THEMIS: variants seen among roughly 807,000 people sequenced by gnomAD.
THEMIS encodes the protein protein THEMIS.
Under a neutral mutation model 52.6 loss-of-function variants are expected in THEMIS, and 37 were observed. The observed-to-expected ratio is 0.70, with a 90% CI of 0.54 to 0.93. The LOEUF is 0.93. Ranked by LOEUF, THEMIS falls within the 40% of genes least tolerant of loss-of-function variation. THEMIS has a pLI of 0.00. For missense variants in THEMIS, 808 were observed against 763.1 expected, an observed-to-expected ratio of 1.06 and a Z score of -0.69; for synonymous variants, 292 against 272.7, an observed-to-expected ratio of 1.07 and a Z score of -0.70.
At chr6:127,703,869 A>G (rs900464059), downstream of THEMIS, among the ~76,000 whole-genome samples, 14 of 152,158 alleles carry the variant, frequency 9.2e-5, no homozygotes, top group Admixed American at 3.9e-4. Flanking sequence ...AAGAACAGAA[A>G]TTTATTGCTC....
intron 1 of THEMIS, among the ~76,000 whole-genome samples, chr6:127,895,105 T>C (rs61526478): frequency 6.6e-6 from 1 of 151,130 alleles, no homozygotes; most frequent in African/African-American, 2.4e-5. Flanking sequence ...GTAAATCACA[T>C]TATTATCTTA....
chr6:127,795,081 G>T (rs765773485), intron 4 of THEMIS, among the ~76,000 whole-genome samples: 1 of 152,142 alleles, frequency 6.6e-6, no homozygotes, highest in Non-Finnish European at 1.5e-5. Flanking sequence ...ACCATAGACA[G>T]TTCCATAGCA....
At chr6:127,848,466 T>C (rs2114257581) in intron 2 of THEMIS, among the ~76,000 whole-genome samples, 1 of 151,924 alleles carries the variant, frequency 6.6e-6, no homozygotes, top group African/African-American at 2.4e-5. Flanking sequence ...GGTCAAATGG[T>C]ATTTCTAGTT....
At chr6:127,885,312 A>T (rs1264436629) in intron 1 of THEMIS, among the ~76,000 whole-genome samples, 1 of 152,110 alleles carries the variant, frequency 6.6e-6, no homozygotes, top group African/African-American at 2.4e-5. Context: ...TTTCTTAGTT[A>T]CCAGGTTATC....
At chr6:127,771,042 T>C (rs1428923705) in intron 4 of THEMIS, among the ~76,000 whole-genome samples, 1 of 152,086 alleles carries the variant, frequency 6.6e-6, no homozygotes, top group East Asian at 1.9e-4. Context: ...CAGCCCAAAA[T>C]CTCCTTATGC....
At chr6:127,822,043 G>A (rs138367102) in intron 3 of THEMIS, among the ~76,000 whole-genome samples, 3,254 of 151,858 alleles carry the variant, frequency 0.021, 90 homozygotes, top group Non-Finnish European at 0.029. Context: ...CTCTATATTT[G>A]TTAGACATTT....
At chr6:127,738,745 G>A (rs571047888) in intron 4 of THEMIS, among the ~76,000 whole-genome samples, 29 of 152,196 alleles carry the variant, frequency 1.9e-4, no homozygotes, top group African/African-American at 6.7e-4. Context: ...GACATAAGTG[G>A]TGAATTAATC....
chr6:127,752,538 T>C (rs1282146663), intron 4 of THEMIS, among the ~76,000 whole-genome samples: 1 of 151,484 alleles, frequency 6.6e-6, no homozygotes, highest in Non-Finnish European at 1.5e-5. Context: ...AACATATTGG[T>C]AAACCAAGAA....
chr6:127,904,045 T>G (rs903439513), upstream of THEMIS, among the ~76,000 whole-genome samples: 15 of 152,050 alleles, frequency 9.9e-5, no homozygotes, highest in African/African-American at 2.7e-4. Flanking sequence ...GGTTAGTAAC[T>G]GGCACCAAGA....
chr6:127,701,363 G>T, the THEMIS span, among the ~76,000 whole-genome samples: 1 of 151,970 alleles, frequency 6.6e-6, no homozygotes, highest in Non-Finnish European at 1.5e-5. Flanking sequence ...TTGCATTTTT[G>T]TGTAGTTTAT....
intron 2 of THEMIS, among the ~76,000 whole-genome samples, chr6:127,843,093 A>G (rs74551667): frequency 0.011 from 1,598 of 152,144 alleles, 16 homozygotes; most frequent in Middle Eastern, 0.031. Flanking sequence ...TCTATGAAAC[A>G]TATGAAAGAA....
At chr6:127,869,386 T>C (rs1384630736) in intron 1 of THEMIS, among the ~76,000 whole-genome samples, 1 of 152,202 alleles carries the variant, frequency 6.6e-6, no homozygotes, top group African/African-American at 2.4e-5. Flanking sequence ...TTTGCCTTCA[T>C]GATCATGTAA....
intron 4 of THEMIS, among the ~76,000 whole-genome samples, chr6:127,734,049 C>T (rs1774900675): frequency 6.6e-6 from 1 of 151,996 alleles, no homozygotes; most frequent in African/African-American, 2.4e-5. Context: ...ATACAATCTG[C>T]AACATTCATG....
At chr6:127,850,182 A>G (rs1258604184) in intron 2 of THEMIS, among the ~76,000 whole-genome samples, 1 of 152,066 alleles carries the variant, frequency 6.6e-6, no homozygotes, top group Non-Finnish European at 1.5e-5. Flanking sequence ...TAAAACCACA[A>G]TGAGATACCA....
chr6:127,734,762 A>G (rs2114537497), intron 4 of THEMIS, among the ~76,000 whole-genome samples: 2 of 149,672 alleles, frequency 1.3e-5, no homozygotes, highest in African/African-American at 4.9e-5. Flanking sequence ...CCAGCTACTC[A>G]GGAGACTGAG....
intron 2 of THEMIS, among the ~76,000 whole-genome samples, chr6:127,833,905 T>G (rs888445547): frequency 6.6e-6 from 1 of 152,148 alleles, no homozygotes; most frequent in Admixed American, 6.6e-5. Flanking sequence ...AAATATATAA[T>G]AACAAGGATG....
At chr6:127,826,908 C>A (rs1583321645) in intron 3 of THEMIS, among the ~76,000 whole-genome samples, 1 of 152,012 alleles carries the variant, frequency 6.6e-6, no homozygotes, top group Admixed American at 6.5e-5. Context: ...GGCCAAGTTT[C>A]CAGAAACAAA....
At chr6:127,858,246 T>G (rs1436376007) in intron 1 of THEMIS, among the ~76,000 whole-genome samples, 2 of 152,084 alleles carry the variant, frequency 1.3e-5, no homozygotes, top group Non-Finnish European at 2.9e-5. Flanking sequence ...ACTCTTCAGG[T>G]CTTTTTCCAA....
chr6:127,799,622 C>T (rs1465273429), intron 4 of THEMIS, among the ~76,000 whole-genome samples: 4 of 144,076 alleles, frequency 2.8e-5, no homozygotes, highest in African/African-American at 7.7e-5. Context: ...CTTTCTGGAC[C>T]ATGTAATAGT....
Sources: allele counts gnomAD v4.1 joint callset (sites outside exome capture counted in the v4.1 genomes callset), GRCh38; gene constraint gnomAD v4.1.1; transcripts MANE v1.5; gene names NCBI Gene and HGNC (gene_info 2026-07-23, HGNC 2026-07-21).